Variants in ZMYM6 observed in about 807,000 individuals in gnomAD.
ZMYM6 encodes the protein zinc finger MYM-type protein 6.
ZMYM6 carries 90 observed loss-of-function variants against 134.0 expected under a neutral mutation model. The observed-to-expected ratio is 0.67, with a 90% CI of 0.57 to 0.80. The LOEUF is 0.80. Ranked by LOEUF, ZMYM6 falls within the 30% of genes least tolerant of loss-of-function variation. ZMYM6 has a pLI of 0.00. For missense variants in ZMYM6, 1,362 were observed against 1,533.9 expected (o/e 0.89, Z 1.87); for synonymous variants, 481 against 524.1 (o/e 0.92, Z 1.12).
At chr1:35,020,288 A>C in intron 3 of ZMYM6, 95 bp downstream of exon 3, 1 of 1,144,676 alleles carries the variant, frequency 8.7e-7, no homozygotes, top group Non-Finnish European at 1.2e-6. Context: ...CTCTAAAGAA[A>C]GAGAAAGACA....
At chr1:35,008,129 T>C (rs990312785) in intron 11 of ZMYM6, among the ~76,000 whole-genome samples, 1 of 152,188 alleles carries the variant, frequency 6.6e-6, no homozygotes, top group African/African-American at 2.4e-5. Context: ...CAGAGTGTTA[T>C]AGATGCTGTC....
chr1:35,015,500 C>T (rs1324048567), intron 4 of ZMYM6, among the ~76,000 whole-genome samples: 2 of 151,452 alleles, frequency 1.3e-5, no homozygotes, highest in African/African-American at 2.4e-5. Context: ...CCGAGGTGGG[C>T]GGATCATGAG....
chr1:35,003,779 ATT>A, intron 14 of ZMYM6, 187 bp downstream of exon 14: 4 of 546,030 alleles, frequency 7.3e-6, no homozygotes, highest in Non-Finnish European at 1.3e-5. Flanking sequence ...AAAAACAGTA[ATT>A]GCTGCCGAAA....
At chr1:34,990,626 T>C (rs144853934) in intron 15 of ZMYM6, among the ~76,000 whole-genome samples, 1 of 152,240 alleles carries the variant, frequency 6.6e-6, no homozygotes, top group African/African-American at 2.4e-5. Context: ...AATACAAATA[T>C]CTAAATTTCC....
At chr1:34,994,513 G>A (rs934738865) in intron 14 of ZMYM6, among the ~76,000 whole-genome samples, 1 of 152,100 alleles carries the variant, frequency 6.6e-6, no homozygotes, top group Non-Finnish European at 1.5e-5. Flanking sequence ...CAGTAAGCAA[G>A]GGGAGAATGA....
At chr1:34,989,388 A>AG in intron 15 of ZMYM6, 2 of 320,848 alleles carry the variant, frequency 6.2e-6, no homozygotes, top group Non-Finnish European at 8.7e-6. Flanking sequence ...AAAAAAAAAA[A>AG]AAGAAGAAGA....
At position 34,988,729 on chromosome 1, in the gene ZMYM6, G is replaced by C. The variant is rs1290441802; in HGVS notation, c.2353C>G (p.Leu785Val). The C allele has an allele frequency of 3.9e-6, 6 of 1,551,242 alleles. No homozygotes were observed. The African/African-American group carries it at 8.2e-5, about 21-fold the overall frequency. Residue 785 changes from leucine to valine, a missense_variant, in exon 16 of 16, where the codon CTT becomes GTT. Physicochemically the swap from Leu to Val is conservative, Grantham distance 32 (BLOSUM62 1). This residue lies in a region of ZMYM6 where 824 missense variants were observed against 940.9 expected (regional missense o/e 0.88). Coordinates refer to ENST00000357182, the MANE Select transcript of ZMYM6 (RefSeq NM_007167.4). ...LSSENMKPAN[L>V]SHHLKTKHSE... ...TGTTTTGTCTTCAAATGATGAGAAA[G>C]ATTTGCTGGCTTCATGTTTTCACTG...
rs1640755010 is a variant in ZMYM6 at position 34,995,053 on chromosome 1, CGT to C, written c.1993-2668_1993-2667del. Among the ~76,000 whole-genome samples, 3 of 126,296 alleles carry C rather than the reference CGT, an allele frequency of 2.4e-5. 1 individual carries two copies. The highest frequency in any genetic ancestry group is 5.1e-4 in the South Asian group (2 of 3,938). The allele number at this position is 126,296 out of a possible 152,430, so 82.9% of individuals were successfully genotyped here. A position where few individuals can be genotyped will look rare whatever the true frequency, so the allele number is the denominator to read the frequency against. On this transcript the variant is annotated intron_variant, in intron 14 of 15. Coordinates refer to ENST00000357182, the MANE Select transcript of ZMYM6 (RefSeq NM_007167.4). ...TATATGTAATATATATACTTACATA[CGT>C]ATATATATGTAATATATATACTTAC... is the stretch of plus-strand genomic sequence containing the variant.
At chr1:35,026,666 G>A (rs1011285634) in intron 2 of ZMYM6, among the ~76,000 whole-genome samples, 1 of 152,160 alleles carries the variant, frequency 6.6e-6, no homozygotes, top group Non-Finnish European at 1.5e-5. Context: ...TAAGTGTATA[G>A]GCAAGGTATA....
chr1:35,013,567 G>A, intron 6 of ZMYM6: 1 of 985,390 alleles, frequency 1.0e-6, no homozygotes, highest in Middle Eastern at 5.2e-4. Context: ...TAAAAAAAGA[G>A]ATTCTTTTCA....
intron 12 of ZMYM6, among the ~76,000 whole-genome samples, chr1:35,005,629 C>CAAAAA (rs1182722333): frequency 3.2e-4 from 19 of 59,242 alleles, no homozygotes; most frequent in East Asian, 6.5e-4. Flanking sequence ...AACCTAGTCT[C>CAAAAA]AAAAAAAAAA....
At chr1:35,025,683 AT>A (rs761864446) in intron 2 of ZMYM6, among the ~76,000 whole-genome samples, 88 of 152,140 alleles carry the variant, frequency 5.8e-4, no homozygotes, top group Non-Finnish European at 1.1e-3. Context: ...CAGAAGTCCT[AT>A]CTTTTCATCT....
chr1:35,004,001 T>C lies in ZMYM6; in HGVS notation c.1959A>G (p.Ala653=), dbSNP rs1313765939. The C allele has an allele frequency of 2.5e-6, 4 of 1,610,436 alleles. No homozygotes were observed. Among genetic ancestry groups the C allele is most frequent in the East Asian group, 2.2e-5 (1 of 44,812 alleles). The change falls in exon 14 of 16, where the codon GCA becomes GCG. Residue 653 remains alanine, a synonymous_variant. Transcript: ENST00000357182. ...TGATCTTTGCTGCCTCTTTAGTAAC[T>C]GCACCTGTTGTAAATTAAAACAAAT... The part of the protein sequence containing the change: ...TGNTNSVLKG[A]VTKEAAKIIQ...
intron 6 of ZMYM6, chr1:35,013,357 A>G: frequency 1.0e-6 from 1 of 980,398 alleles, no homozygotes; most frequent in Non-Finnish European, 1.2e-6. Context: ...TCAGTGATAC[A>G]TTATAAGGTC....
chr1:35,009,067 T>C (rs1641037630), intron 10 of ZMYM6, 143 bp from the exon 11 acceptor site: 1 of 800,176 alleles, frequency 1.2e-6, no homozygotes, highest in Non-Finnish European at 1.9e-6. Flanking sequence ...GGACAGTCTC[T>C]ATATTCACAA....
At chr1:35,007,212 C>T (rs1640997951) in intron 11 of ZMYM6, 114 bp from the exon 12 acceptor site, 7 of 1,027,224 alleles carry the variant, frequency 6.8e-6, no homozygotes, top group Non-Finnish European at 1.3e-6. Context: ...GTTGAGACTA[C>T]AAAATGTAAG....
chr1:35,023,562 G>A (rs1400336059), intron 2 of ZMYM6, among the ~76,000 whole-genome samples: 1 of 150,230 alleles, frequency 6.7e-6, no homozygotes, highest in Non-Finnish European at 1.5e-5. Flanking sequence ...AAATGAAGAG[G>A]ACATTAAAAA....
Position 35,012,542 on chromosome 1 carries a change from A to T in ZMYM6, c.835T>A (p.Leu279Met). The change falls in exon 7 of 16, where the codon TTG (leucine) becomes ATG (methionine). Residue 279 changes from leucine to methionine, a missense_variant. Leu to Met is a conservative substitution (Grantham distance 15). This residue lies in a region of ZMYM6 where 503 missense variants were observed against 520.8 expected (regional missense o/e 0.97). Transcript: ENST00000357182. ...TCAATCATTTCAGCTGAGGGCCTCAATGACTTCCCCAGGGCATATGGAGGA... is the reference window on the plus strand; with the variant it reads ...TCAATCATTTCAGCTGAGGGCCTCATTGACTTCCCCAGGGCATATGGAGGA... Reference protein sequence around the residue: ...QIPPYALGKSLRPSAEMIETT... With the variant: ...QIPPYALGKSMRPSAEMIETT... 6.2e-7 allele frequency: 1 copy of T among 1,613,598 alleles called. No homozygotes were observed. The highest frequency in any genetic ancestry group is 8.5e-7 in the Non-Finnish European group (1 of 1,179,792).
rs1278162663 is a variant in ZMYM6, at chr1:35,010,802, A to G, written c.1297T>C (p.Cys433Arg). ...GGTTTTGTGGCAAATAGATGGTTACAGTGCTGACACTTGAGTTTAACAACT... is the reference window on the plus strand; with the variant it reads ...GGTTTTGTGGCAAATAGATGGTTACGGTGCTGACACTTGAGTTTAACAACT... ...HTVVKLKCQH[C>R]NHLFATKPEL... The change falls in exon 9 of 16, where the codon TGT (cysteine) becomes CGT (arginine). Residue 433 changes from cysteine (C) to arginine (R), a missense_variant. Physicochemically the swap from Cys to Arg is radical, Grantham distance 180. This residue lies in a region of ZMYM6 where 503 missense variants were observed against 520.8 expected (regional missense o/e 0.97). Coordinates refer to ENST00000357182, the MANE Select transcript of ZMYM6 (RefSeq NM_007167.4). The G allele has an allele frequency of 1.1e-5, 18 of 1,593,086 alleles. No individual in the cohort carries two copies. The highest frequency in any genetic ancestry group is 1.5e-5 in the Non-Finnish European group (18 of 1,172,802).
Sources: allele counts gnomAD v4.1 joint callset (sites outside exome capture counted in the v4.1 genomes callset), GRCh38; gene constraint gnomAD v4.1.1; regional missense constraint gnomAD v4.1.1; transcripts MANE v1.5; gene names NCBI Gene and HGNC (gene_info 2026-07-23, HGNC 2026-07-21).